Variants in AGBL1 observed in about 807,000 individuals in gnomAD.
AGBL1 encodes AGBL carboxypeptidase 1.
Under a neutral mutation model 118.9 loss-of-function variants are expected in AGBL1, and 130 were observed. That is an observed-to-expected ratio of 1.09 (90% CI 0.95 to 1.26). The LOEUF (loss-of-function observed/expected upper bound fraction) is 1.26. Ranked by LOEUF, AGBL1 falls within the 50% of genes most tolerant of loss-of-function variation. The probability of loss-of-function intolerance (pLI) is 0.00; values close to 1 mark genes in which losing one functional copy is unlikely to be tolerated. For missense variants in AGBL1, 1,584 were observed against 1,298.1 expected, an observed-to-expected ratio of 1.22 and a Z score of -3.38; for synonymous variants, 555 against 478.9, an observed-to-expected ratio of 1.16 and a Z score of -2.08.
At chr15:86,480,663 A>G (rs1324101748) in intron 18 of AGBL1, among the ~76,000 whole-genome samples, 1 of 152,050 alleles carries the variant, frequency 6.6e-6, no homozygotes, top group Non-Finnish European at 1.5e-5. Flanking sequence ...ATATATATAC[A>G]TATGAGAGGG....
intron 24 of AGBL1, among the ~76,000 whole-genome samples, chr15:87,001,742 A>C (rs2081439930): frequency 2.0e-5 from 3 of 151,926 alleles, no homozygotes; most frequent in Non-Finnish European, 4.4e-5. Flanking sequence ...GATGATAAGC[A>C]TTTTTTCATG....
intron 23 of AGBL1, among the ~76,000 whole-genome samples, chr15:86,939,273 A>G (rs183538980): frequency 1.2e-3 from 183 of 152,342 alleles, no homozygotes; most frequent in Admixed American, 4.1e-3. Context: ...CAGCTAGAAT[A>G]AAGCAGGCAG....
intron 21 of AGBL1, among the ~76,000 whole-genome samples, chr15:86,629,009 T>A (rs1486296555): frequency 6.6e-6 from 1 of 152,108 alleles, no homozygotes; most frequent in Admixed American, 6.5e-5. Flanking sequence ...ACACTTAAGA[T>A]CTGGTCTCAG....
chr15:86,123,952 C>T (rs568516492), intron 1 of AGBL1, among the ~76,000 whole-genome samples: 2 of 152,222 alleles, frequency 1.3e-5, no homozygotes, highest in Admixed American at 1.3e-4. Flanking sequence ...CCATATGCAA[C>T]ATGGTAACTG....
At chr15:86,958,084 A>T (rs1327734464) in intron 23 of AGBL1, among the ~76,000 whole-genome samples, 3 of 152,004 alleles carry the variant, frequency 2.0e-5, no homozygotes, top group Non-Finnish European at 4.4e-5. Flanking sequence ...ATACAACTGT[A>T]GTCCCAGCTA....
chr15:86,985,257 G>A (rs1309610925), intron 23 of AGBL1, among the ~76,000 whole-genome samples: 1 of 152,100 alleles, frequency 6.6e-6, no homozygotes, highest in African/African-American at 2.4e-5. Flanking sequence ...GTAAGTATCT[G>A]GTAATGAAAT....
chr15:86,370,301 CTTT>C (rs5814238), intron 17 of AGBL1, among the ~76,000 whole-genome samples: 7 of 131,014 alleles, frequency 5.3e-5, no homozygotes, highest in South Asian at 2.5e-4. Flanking sequence ...GTCTCTATTC[CTTT>C]TTTTTTTTTT....
intron 15 of AGBL1, among the ~76,000 whole-genome samples, chr15:86,272,368 A>G (rs1023684235): frequency 6.6e-6 from 1 of 152,216 alleles, no homozygotes; most frequent in Admixed American, 6.5e-5. Flanking sequence ...TAAAATTCAA[A>G]TTTATAAGAA....
At chr15:86,677,290 GTACA>G (rs2085865722) in intron 22 of AGBL1, among the ~76,000 whole-genome samples, 1 of 152,186 alleles carries the variant, frequency 6.6e-6, no homozygotes, top group Non-Finnish European at 1.5e-5. Flanking sequence ...TGAAAATGAA[GTACA>G]TGCATGCTTT....
At chr15:86,637,620 C>G (rs998557067) in intron 21 of AGBL1, among the ~76,000 whole-genome samples, 4 of 152,120 alleles carry the variant, frequency 2.6e-5, no homozygotes, top group Non-Finnish European at 4.4e-5. Flanking sequence ...GCAGTACTAG[C>G]AAAGGCTATT....
chr15:86,681,125 T>G (rs1478658346), intron 22 of AGBL1, among the ~76,000 whole-genome samples: 1 of 152,158 alleles, frequency 6.6e-6, no homozygotes, highest in African/African-American at 2.4e-5. Context: ...ATCTGTTTTC[T>G]CACCTCTGTA....
intron 22 of AGBL1, among the ~76,000 whole-genome samples, chr15:86,711,876 G>C (rs552305617): frequency 6.6e-6 from 1 of 152,296 alleles, no homozygotes; most frequent in African/African-American, 2.4e-5. Flanking sequence ...TACTGTGATA[G>C]TATCACCATC....
intron 5 of AGBL1, among the ~76,000 whole-genome samples, chr15:86,185,370 T>C (rs964899318): frequency 4.7e-4 from 71 of 152,236 alleles, no homozygotes; most frequent in African/African-American, 1.6e-3. Context: ...GATCTAGAAC[T>C]AGAAATACCA....
intron 21 of AGBL1, among the ~76,000 whole-genome samples, chr15:86,649,797 C>T (rs138493712): frequency 0.011 from 1,656 of 149,270 alleles, 12 homozygotes; most frequent in Middle Eastern, 0.036. Context: ...TAATATAATG[C>T]CTATGTGTGG....
At chr15:86,519,145 T>A (rs568731786) in intron 18 of AGBL1, among the ~76,000 whole-genome samples, 1 of 152,216 alleles carries the variant, frequency 6.6e-6, no homozygotes, top group East Asian at 1.9e-4. Flanking sequence ...CACACCCACC[T>A]CCATGGATAT....
At chr15:86,574,495 A>T (rs1310098329) in intron 21 of AGBL1, among the ~76,000 whole-genome samples, 1 of 151,786 alleles carries the variant, frequency 6.6e-6, no homozygotes, top group Non-Finnish European at 1.5e-5. Flanking sequence ...ACAACTGGGG[A>T]TCCAGGAGCT....
chr15:86,561,319 T>G (rs566337515), intron 21 of AGBL1, among the ~76,000 whole-genome samples: 1 of 152,354 alleles, frequency 6.6e-6, no homozygotes, highest in African/African-American at 2.4e-5. Flanking sequence ...TAATCCATCT[T>G]GAATGAATTT....
chr15:86,220,016 A>G (rs1366049270), intron 5 of AGBL1, among the ~76,000 whole-genome samples: 2 of 143,368 alleles, frequency 1.4e-5, no homozygotes, highest in African/African-American at 5.2e-5. Flanking sequence ...CAGTGGCACA[A>G]TCTTGGTTCA....
intron 23 of AGBL1, among the ~76,000 whole-genome samples, chr15:86,961,647 T>C (rs762212732): frequency 2.0e-5 from 3 of 152,026 alleles, no homozygotes; most frequent in Non-Finnish European, 2.9e-5. Flanking sequence ...CAACATTCAT[T>C]CAACCCAAAA....
Sources: allele counts gnomAD v4.1 joint callset (sites outside exome capture counted in the v4.1 genomes callset), GRCh38; gene constraint gnomAD v4.1.1; transcripts MANE v1.5; gene names NCBI Gene and HGNC (gene_info 2026-07-23, HGNC 2026-07-21).